Variants in CCDC178 observed in about 807,000 individuals in gnomAD.
The protein encoded by CCDC178 is coiled-coil domain containing 178, also known as coiled-coil domain-containing protein 178.
CCDC178 carries 126 observed loss-of-function variants against 117.4 expected under a neutral mutation model. That is an observed-to-expected ratio of 1.07 (90% CI 0.93 to 1.24). The LOEUF (loss-of-function observed/expected upper bound fraction) is 1.24. Among genes scored for constraint, CCDC178 ranks in the 50% most tolerant of loss-of-function variants. The pLI is 0.00. For missense variants in CCDC178, 1,030 were observed against 986.9 expected, an observed-to-expected ratio of 1.04 and a Z score of -0.59; for synonymous variants, 283 against 313.4, an observed-to-expected ratio of 0.90 and a Z score of 1.02.
chr18:33,017,577 A>G (rs1433315103), intron 21 of CCDC178, among the ~76,000 whole-genome samples: 3 of 152,008 alleles, frequency 2.0e-5, no homozygotes, highest in Non-Finnish European at 4.4e-5. Context: ...ATTTGGGAGA[A>G]ATTGAGAAGT....
chr18:33,312,612 T>C (rs1312840279), intron 11 of CCDC178, among the ~76,000 whole-genome samples: 1 of 152,200 alleles, frequency 6.6e-6, no homozygotes, highest in Non-Finnish European at 1.5e-5. Context: ...TGGACTCAGT[T>C]GCTAAAGGCT....
intron 9 of CCDC178, among the ~76,000 whole-genome samples, chr18:33,342,567 AC>A (rs1056406559): frequency 2.0e-5 from 3 of 152,206 alleles, no homozygotes; most frequent in Non-Finnish European, 4.4e-5. Context: ...GCAGCATCCT[AC>A]GTTTCTATTC....
At position 33,412,084 on chromosome 18, in the gene CCDC178, G is replaced by A; in HGVS notation, c.5C>T (p.Thr2Ile). Residue 2 changes from threonine to isoleucine, a missense_variant, in exon 3 of 23, where the codon ACT (threonine) becomes ATT (isoleucine). By Grantham distance (89) the Thr-to-Ile change is moderately conservative. Coordinates refer to ENST00000383096, the MANE Select transcript of CCDC178 (RefSeq NM_001105528.4). M[T>I]ENKTVSSSST... ...AGAAGAGGAAACTGTCTTGTTTTCA[G>A]TCATAGTTATAAGAATATTTTAAAA... The A allele has an allele frequency of 6.9e-7, 1 of 1,455,502 alleles. No individual in the cohort carries two copies. Among genetic ancestry groups the A allele is most frequent in the Non-Finnish European group, 9.5e-7 (1 of 1,048,406 alleles). The allele number at this position is 1,455,502 out of a possible 1,614,324, so 90.2% of individuals were successfully genotyped here. A position where few individuals can be genotyped will look rare whatever the true frequency, so the allele number is the denominator to read the frequency against.
chr18:33,300,757 G>C (rs2062166746), intron 11 of CCDC178, among the ~76,000 whole-genome samples: 1 of 152,180 alleles, frequency 6.6e-6, no homozygotes, highest in Non-Finnish European at 1.5e-5. Flanking sequence ...TCAAGATGTA[G>C]CTTGGCTGCT....
chr18:33,387,655 C>CAT (rs1440947677), intron 5 of CCDC178, among the ~76,000 whole-genome samples: 1 of 152,106 alleles, frequency 6.6e-6, no homozygotes, highest in African/African-American at 2.4e-5. Flanking sequence ...ACTGGCTAGC[C>CAT]ATATGCAGAA....
At chr18:33,379,191 T>G (rs1166061536) in intron 5 of CCDC178, among the ~76,000 whole-genome samples, 9 of 145,554 alleles carry the variant, frequency 6.2e-5, no homozygotes, top group Non-Finnish European at 1.4e-4. Flanking sequence ...TATTTCCATA[T>G]ATATAATATA....
intron 2 of CCDC178, among the ~76,000 whole-genome samples, chr18:33,433,387 A>G (rs1369784225): frequency 2.0e-5 from 3 of 152,194 alleles, no homozygotes; most frequent in Admixed American, 6.5e-5. Flanking sequence ...ATAAAAATGG[A>G]GAGACTAACT....
chr18:32,939,987 A>C (rs2054201618), intron 22 of CCDC178, among the ~76,000 whole-genome samples: 1 of 152,178 alleles, frequency 6.6e-6, no homozygotes, highest in Non-Finnish European at 1.5e-5. Flanking sequence ...AATTTGCATA[A>C]TAAAATGCCA....
chr18:33,121,248 C>G (rs759351803), intron 20 of CCDC178, among the ~76,000 whole-genome samples: 1 of 152,078 alleles, frequency 6.6e-6, no homozygotes, highest in Non-Finnish European at 1.5e-5. Context: ...AAATGGGTAG[C>G]GTCAAAGGGC....
intron 5 of CCDC178, among the ~76,000 whole-genome samples, chr18:33,374,052 C>G (rs1435786319): frequency 6.6e-6 from 1 of 152,136 alleles, no homozygotes; most frequent in Non-Finnish European, 1.5e-5. Context: ...AGCTCTCTGC[C>G]AAGGGACAGT....
At position 33,344,066 on chromosome 18, in the gene CCDC178, A is replaced by T. The variant is rs1184926767; in HGVS notation, c.658+2145T>A. On this transcript the variant is annotated intron_variant, in intron 9 of 22. Transcript: ENST00000383096. ...ACGCCTGTAATCCCAGCACTTTGGG[A>T]GGCCGAGGCGGGTGGATCATGAGGT... Among the ~76,000 whole-genome samples, 6 of 151,948 alleles carry T rather than the reference A, an allele frequency of 3.9e-5. No individual in the cohort carries two copies. In the South Asian group the frequency reaches 1.0e-3, roughly 26 times the overall value.
chr18:33,356,519 C>A (rs1244922722), intron 6 of CCDC178, among the ~76,000 whole-genome samples, 173 bp from the exon 7 acceptor site: 1 of 151,920 alleles, frequency 6.6e-6, no homozygotes, highest in Non-Finnish European at 1.5e-5. Flanking sequence ...GCCCCCCCAA[C>A]TGACTGAGTA....
At chr18:33,004,343 G>A (rs1443807241) in intron 21 of CCDC178, among the ~76,000 whole-genome samples, 1 of 152,108 alleles carries the variant, frequency 6.6e-6, no homozygotes, top group African/African-American at 2.4e-5. Context: ...CACACCTACA[G>A]TGAAATCACT....
chr18:33,418,280 T>A (rs1239646255), intron 2 of CCDC178, among the ~76,000 whole-genome samples: 1 of 152,130 alleles, frequency 6.6e-6, no homozygotes, highest in African/African-American at 2.4e-5. Context: ...TTTGATAAGA[T>A]TTAACATCCA....
At chr18:33,420,630 C>G (rs2064011731) in intron 2 of CCDC178, among the ~76,000 whole-genome samples, 1 of 152,164 alleles carries the variant, frequency 6.6e-6, no homozygotes, top group Admixed American at 6.5e-5. Flanking sequence ...GCTGGGATTA[C>G]AGGCATGAGC....
intron 21 of CCDC178, among the ~76,000 whole-genome samples, chr18:33,061,773 T>C (rs2054612275): frequency 6.6e-6 from 1 of 152,184 alleles, no homozygotes; most frequent in Non-Finnish European, 1.5e-5. Context: ...GATAGATTTA[T>C]CAATACTGCT....
intron 20 of CCDC178, among the ~76,000 whole-genome samples, chr18:33,207,510 A>T (rs1645819380): frequency 6.6e-6 from 1 of 150,966 alleles, no homozygotes. Context: ...CTCAGGGAAC[A>T]TTCATTTTCC....
intron 20 of CCDC178, among the ~76,000 whole-genome samples, chr18:33,133,521 C>T (rs1182747847): frequency 6.6e-6 from 1 of 151,888 alleles, no homozygotes; most frequent in Non-Finnish European, 1.5e-5. Context: ...TTGAAACTGT[C>T]ACTAAATCTT....
Position 33,015,639 on chromosome 18 carries a change from G to GA in CCDC178, c.2389-40959dup, listed in dbSNP as rs58132060. 9.2e-3 allele frequency among the ~76,000 whole-genome samples: 1,220 copies of GA among 133,194 alleles called. 9 individuals carry two copies. Among genetic ancestry groups the GA allele is most frequent in the African/African-American group, 0.021 (757 of 36,350 alleles). 87.4% of individuals were successfully genotyped at this position (133,194 alleles called of 152,430 possible). On this transcript the variant is annotated intron_variant, in intron 21 of 22. Coordinates refer to ENST00000383096, the MANE Select transcript of CCDC178 (RefSeq NM_001105528.4). ...CTAATTGGGGAAAATATGGTAAATA[G>GA]AAAAAAAAAAAATCCAAAAAGCCCA...
Sources: gnomAD v4.1 joint callset for allele counts (sites outside exome capture counted in the v4.1 genomes callset) on GRCh38, gnomAD v4.1.1 for gene constraint, MANE v1.5 for transcripts, NCBI Gene and HGNC (gene_info 2026-07-23, HGNC 2026-07-21) for gene names.